Variants in DUSP11 observed in about 807,000 individuals in gnomAD.
DUSP11 encodes dual specificity phosphatase 11.
In DUSP11, 27 loss-of-function variants were observed where a neutral mutation model predicts 41.4. The ratio of observed to expected loss-of-function variants is 0.65; its 90% CI spans 0.48 to 0.90. The LOEUF is 0.90. DUSP11 is among the 40% of genes least tolerant of loss of function. DUSP11 has a pLI of 0.00. For missense variants in DUSP11, 465 were observed against 461.1 expected (o/e 1.01, Z -0.08); for synonymous variants, 188 against 159.3 (o/e 1.18, Z -1.35).
intron 4 of DUSP11, among the ~76,000 whole-genome samples, chr2:73,771,788 C>A (rs1281375423): frequency 3.4e-5 from 5 of 147,734 alleles, no homozygotes; most frequent in African/African-American, 1.3e-4. Context: ...AGGCATGAGC[C>A]ATCGCGCCCG....
intron 8 of DUSP11, among the ~76,000 whole-genome samples, chr2:73,765,309 T>C (rs1672440615): frequency 2.6e-5 from 4 of 152,216 alleles, no homozygotes; most frequent in Non-Finnish European, 5.9e-5. Context: ...ACTCCAGGCT[T>C]CATGGCCTCT....
chr2:73,765,531 A>C (rs1672443923), intron 8 of DUSP11, among the ~76,000 whole-genome samples: 1 of 151,980 alleles, frequency 6.6e-6, no homozygotes, highest in African/African-American at 2.4e-5. Context: ...CCCGAATAAA[A>C]AAGCTCCTCC....
intron 5 of DUSP11, chr2:73,768,445 C>T (rs879479010): frequency 3.0e-6 from 3 of 984,812 alleles, no homozygotes; most frequent in Non-Finnish European, 3.6e-6. Context: ...AATGAACAAA[C>T]ATAACTCAGT....
chr2:73,770,042 A>G (rs1672541543), intron 4 of DUSP11, among the ~76,000 whole-genome samples: 1 of 152,236 alleles, frequency 6.6e-6, no homozygotes, highest in Non-Finnish European at 1.5e-5. Flanking sequence ...TGTCTGGTAA[A>G]GAAGGCACTC....
At chr2:73,770,797 C>CTGATA (rs1466557883) in intron 4 of DUSP11, among the ~76,000 whole-genome samples, 1 of 152,132 alleles carries the variant, frequency 6.6e-6, no homozygotes, top group African/African-American at 2.4e-5. Flanking sequence ...TTTACAAGGG[C>CTGATA]TGATATGATC....
chr2:73,778,226 G>T, intron 2 of DUSP11, 75 bp downstream of exon 2: 2 of 959,348 alleles, frequency 2.1e-6, no homozygotes, highest in Non-Finnish European at 3.1e-6. Flanking sequence ...AAAATGGAAT[G>T]TGATAGAGTG....
intron 3 of DUSP11, among the ~76,000 whole-genome samples, 177 bp from the exon 4 acceptor site, chr2:73,774,100 T>C (rs892946907): frequency 6.6e-6 from 1 of 152,204 alleles, no homozygotes; most frequent in African/African-American, 2.4e-5. Context: ...AACCAGGAAG[T>C]ATCACTTGAT....
chr2:73,768,268 T>TC (rs1225755013), intron 5 of DUSP11: 2 of 175,694 alleles, frequency 1.1e-5, no homozygotes, highest in African/African-American at 4.8e-5. Flanking sequence ...ACCATGTCAC[T>TC]CCCCTTCTCA....
At chr2:73,767,328 C>T (rs778199022) in intron 5 of DUSP11, 121 bp from the exon 6 acceptor site, 1 of 749,390 alleles carries the variant, frequency 1.3e-6, no homozygotes, top group Non-Finnish European at 2.3e-6. Flanking sequence ...AATATCAGCA[C>T]ATCAAATCCA....
At chr2:73,776,664 A>G (rs1404413515) in intron 2 of DUSP11, among the ~76,000 whole-genome samples, 1 of 152,190 alleles carries the variant, frequency 6.6e-6, no homozygotes, top group African/African-American at 2.4e-5. Context: ...TTGTATGTAC[A>G]TATTATGTTA....
exon 5 of DUSP11, chr2:73,769,300 G>A: frequency 6.2e-7 from 1 of 1,612,470 alleles, no homozygotes; most frequent in Non-Finnish European, 8.5e-7. Flanking sequence ...TTAAACCATG[G>A]GTACAGTGGA....
At chr2:73,769,506 T>G (rs762784796) in intron 4 of DUSP11, among the ~76,000 whole-genome samples, 181 bp from the exon 5 acceptor site, 2 of 152,208 alleles carry the variant, frequency 1.3e-5, no homozygotes, top group Non-Finnish European at 2.9e-5. Context: ...TAGTCCCAAT[T>G]AGACTCAGTG....
At chr2:73,773,433 T>G (rs1339692496) in intron 4 of DUSP11, 2 of 358,324 alleles carry the variant, frequency 5.6e-6, no homozygotes, top group Non-Finnish European at 1.1e-5. Flanking sequence ...TCTTTGCCCT[T>G]TCTTGTCTCT....
chr2:73,776,459 G>A (rs896100042), intron 2 of DUSP11, among the ~76,000 whole-genome samples: 4 of 149,494 alleles, frequency 2.7e-5, no homozygotes, highest in African/African-American at 4.9e-5. Flanking sequence ...GCAGTTTTAG[G>A]TTCACAGCAA....
intron 1 of DUSP11, among the ~76,000 whole-genome samples, chr2:73,779,149 C>T (rs910640799): frequency 1.3e-5 from 2 of 152,052 alleles, no homozygotes; most frequent in African/African-American, 2.4e-5. Flanking sequence ...AAAAATCCAT[C>T]CCAAAAACAA....
exon 1 of DUSP11, chr2:73,780,081 C>A: frequency 1.3e-6 from 2 of 1,584,076 alleles, no homozygotes; most frequent in East Asian, 4.6e-5. Flanking sequence ...TCGGCAGCCA[C>A]CTACGCCGCG....
intron 8 of DUSP11, among the ~76,000 whole-genome samples, chr2:73,764,666 C>T (rs115969645): frequency 0.014 from 2,162 of 152,276 alleles, 66 homozygotes; most frequent in African/African-American, 0.05. Context: ...GAGTGCTTAT[C>T]AAAAACTGTT....
At chr2:73,778,478 C>CCT (rs1314531005) in intron 1 of DUSP11, 102 bp from the exon 2 acceptor site, 1 of 631,758 alleles carries the variant, frequency 1.6e-6, no homozygotes, top group East Asian at 3.3e-5. Flanking sequence ...CACAACATGT[C>CCT]CTCTCTCCTC....
intron 1 of DUSP11, among the ~76,000 whole-genome samples, chr2:73,778,895 C>G (rs1672735927): frequency 6.6e-6 from 1 of 152,070 alleles, no homozygotes; most frequent in South Asian, 2.1e-4. Flanking sequence ...GTCTGTTAAT[C>G]CCGGCAATTT....
Sources: allele counts gnomAD v4.1 joint callset (sites outside exome capture counted in the v4.1 genomes callset), GRCh38; gene constraint gnomAD v4.1.1; transcripts MANE v1.5; gene names NCBI Gene and HGNC (gene_info 2026-07-23, HGNC 2026-07-21).